The following ZDHHC17 variants were observed in gnomAD, a reference collection of about 807,000 sequenced individuals.
The protein encoded by ZDHHC17 is palmitoyltransferase ZDHHC17.
ZDHHC17 carries 40 observed loss-of-function variants against 90.3 expected under a neutral mutation model. The observed-to-expected ratio is 0.44, with a 90% confidence interval of 0.34 to 0.58. ZDHHC17 has a LOEUF of 0.58. ZDHHC17 is among the 20% of genes least tolerant of loss of function. The pLI, the probability that ZDHHC17 is intolerant of heterozygous loss-of-function variation, is 0.01. For missense variants in ZDHHC17, 614 were observed against 780.8 expected (o/e 0.79, Z 2.55); for synonymous variants, 235 against 252.4 (o/e 0.93, Z 0.65).
At chr12:76,788,687 A>AAT (rs200431684) in intron 1 of ZDHHC17, among the ~76,000 whole-genome samples, 676 of 65,296 alleles carry the variant, frequency 0.01, 96 homozygotes, top group African/African-American at 0.028. Flanking sequence ...TTGGAATCGC[A>AAT]ATTTTTTTTT....
At chr12:76,781,970 C>T (rs1952632226) in intron 1 of ZDHHC17, among the ~76,000 whole-genome samples, 1 of 152,080 alleles carries the variant, frequency 6.6e-6, no homozygotes, top group Admixed American at 6.5e-5. Flanking sequence ...TAGCGTTTTT[C>T]CTGGAGCCTA....
intron 1 of ZDHHC17, among the ~76,000 whole-genome samples, chr12:76,792,189 T>C (rs371813239): frequency 6.6e-6 from 1 of 152,174 alleles, no homozygotes; most frequent in East Asian, 1.9e-4. Context: ...CCAGGTCACT[T>C]CATTGGCATA....
chr12:76,839,620 AT>A (rs1185337362), intron 10 of ZDHHC17, among the ~76,000 whole-genome samples: 3 of 151,708 alleles, frequency 2.0e-5, no homozygotes, highest in Non-Finnish European at 4.4e-5. Context: ...AATGTAAAAA[AT>A]GATTCTATAA....
intron 10 of ZDHHC17, among the ~76,000 whole-genome samples, chr12:76,836,032 G>A (rs1466099636): frequency 1.3e-5 from 2 of 151,630 alleles, no homozygotes; most frequent in African/African-American, 2.4e-5. Flanking sequence ...CATGCCTGGA[G>A]TAAACAGACA....
intron 7 of ZDHHC17, 117 bp from the exon 8 acceptor site, chr12:76,822,289 A>G: frequency 7.5e-7 from 1 of 1,326,956 alleles, no homozygotes; most frequent in Non-Finnish European, 1.0e-6. Context: ...TAATTTACAC[A>G]ATGTCAAAAC....
intron 2 of ZDHHC17, among the ~76,000 whole-genome samples, chr12:76,798,938 T>C (rs1048487646): frequency 6.6e-6 from 1 of 152,126 alleles, no homozygotes; most frequent in African/African-American, 2.4e-5. Flanking sequence ...ATCTCCAACA[T>C]TGGGGATTAC....
At chr12:76,814,504 T>G (rs2137768383) in intron 5 of ZDHHC17, among the ~76,000 whole-genome samples, 1 of 152,004 alleles carries the variant, frequency 6.6e-6, no homozygotes, top group South Asian at 2.1e-4. Flanking sequence ...AAAATTCAGA[T>G]TTTTTGTACC....
In ZDHHC17 at chr12:76,853,544, T is replaced by C. The variant is rs1271527453; in HGVS notation, c.*2559T>C. ...TGGATGTTTTTATTTTATATTTTCT[T>C]TATTTATAACTGTGCCAAGTATTAT... On this transcript the variant is annotated 3_prime_UTR_variant, in exon 17 of 17. Coordinates refer to ENST00000426126, the MANE Select transcript of ZDHHC17 (RefSeq NM_015336.4). 6.6e-6 allele frequency: 1 copy of C among 152,550 alleles called. No homozygotes were observed. Among genetic ancestry groups the C allele is most frequent in the East Asian group, 1.9e-4 (1 of 5,200 alleles). 9.4% of individuals were successfully genotyped at this position (152,550 alleles called of 1,614,324 possible).
intron 10 of ZDHHC17, among the ~76,000 whole-genome samples, chr12:76,831,309 T>A (rs1953297908): frequency 6.6e-6 from 1 of 152,108 alleles, no homozygotes; most frequent in East Asian, 1.9e-4. Flanking sequence ...CACAATTTTT[T>A]TTTGTTTTTA....
At chr12:76,823,345 A>G (rs1047969215) in intron 8 of ZDHHC17, among the ~76,000 whole-genome samples, 6 of 152,040 alleles carry the variant, frequency 3.9e-5, no homozygotes, top group Non-Finnish European at 8.8e-5. Context: ...TCTATGGAAA[A>G]CTCATTTTAG....
intron 1 of ZDHHC17, 85 bp from the exon 2 acceptor site, chr12:76,797,349 C>T: frequency 1.8e-5 from 15 of 846,272 alleles, no homozygotes; most frequent in Non-Finnish European, 2.6e-5. Flanking sequence ...TCTCAAACAA[C>T]ACAAAAGCAC....
chr12:76,771,416 A>AGAATCTTT (rs1212873552), intron 1 of ZDHHC17, among the ~76,000 whole-genome samples: 1 of 152,218 alleles, frequency 6.6e-6, no homozygotes. Context: ...TAAACATAAT[A>AGAATCTTT]GAATCTTTCT....
intron 1 of ZDHHC17, 110 bp downstream of exon 1, chr12:76,764,439 G>C: frequency 9.6e-7 from 1 of 1,046,736 alleles, no homozygotes; most frequent in Non-Finnish European, 1.4e-6. Context: ...ACGTGCCGAA[G>C]TTGGGGAGGG....
chr12:76,786,407 C>A (rs1370720919), intron 1 of ZDHHC17, among the ~76,000 whole-genome samples: 1 of 152,142 alleles, frequency 6.6e-6, no homozygotes, highest in Non-Finnish European at 1.5e-5. Context: ...CAGGCACCTG[C>A]CACCATGCCT....
At chr12:76,840,123 T>A (rs1953415118) in intron 10 of ZDHHC17, 1 of 152,166 alleles carries the variant, frequency 6.6e-6, no homozygotes. Flanking sequence ...TGGCACATAG[T>A]TGGTGATTAA....
intron 1 of ZDHHC17, among the ~76,000 whole-genome samples, chr12:76,794,901 T>C (rs1346923106): frequency 6.6e-6 from 1 of 152,234 alleles, no homozygotes; most frequent in African/African-American, 2.4e-5. Flanking sequence ...AATGTATTTG[T>C]CCATAGTAAA....
intron 16 of ZDHHC17, 197 bp downstream of exon 16, chr12:76,849,667 C>T: frequency 1.0e-5 from 4 of 387,624 alleles, no homozygotes; most frequent in South Asian, 1.2e-4. Context: ...GTGATATCTC[C>T]TTATATTTTT....
intron 8 of ZDHHC17, among the ~76,000 whole-genome samples, chr12:76,824,350 T>TAAAGCC (rs1231534420): frequency 6.6e-6 from 1 of 152,080 alleles, no homozygotes; most frequent in Non-Finnish European, 1.5e-5. Context: ...AGGTTCCTTT[T>TAAAGCC]AAAGCCTATG....
At chr12:76,791,940 A>T (rs1952764012) in intron 1 of ZDHHC17, among the ~76,000 whole-genome samples, 1 of 152,202 alleles carries the variant, frequency 6.6e-6, no homozygotes, top group African/African-American at 2.4e-5. Context: ...AGGAGGTCTG[A>T]GTAGGGGAGT....
Sources: gnomAD v4.1 joint callset for allele counts (sites outside exome capture counted in the v4.1 genomes callset) on GRCh38, gnomAD v4.1.1 for gene constraint, MANE v1.5 for transcripts, NCBI Gene and HGNC (gene_info 2026-07-23, HGNC 2026-07-21) for gene names.